Variants in XRN2 observed in about 807,000 individuals in gnomAD.
XRN2 encodes the protein 5'-3' exoribonuclease 2, also known as DHM1-like protein.
Under a neutral mutation model 138.5 loss-of-function variants are expected in XRN2, and 44 were observed. That is an observed-to-expected ratio of 0.32 (90% confidence interval 0.25 to 0.41). XRN2 has a LOEUF of 0.41. XRN2 is among the 10% of genes least tolerant of loss of function. The probability of loss-of-function intolerance (pLI) is 1.00; values close to 1 mark genes in which losing one functional copy is unlikely to be tolerated. For missense variants in XRN2, 937 were observed against 1,169.3 expected (o/e 0.80, Z 2.90); for synonymous variants, 354 against 369.4 (o/e 0.96, Z 0.48).
At chr20:21,311,569 T>C (rs1404549038) in intron 1 of XRN2, among the ~76,000 whole-genome samples, 1 of 152,224 alleles carries the variant, frequency 6.6e-6, no homozygotes, top group Non-Finnish European at 1.5e-5. Context: ...TTCAGTTCTT[T>C]TGAGTATGTA....
Position 21,386,908 on chromosome 20 carries a change from C to T in XRN2, c.2689C>T (p.Leu897=). 2 of 1,613,968 alleles carry T rather than the reference C, an allele frequency of 1.2e-6. No individual in the cohort carries two copies. Among genetic ancestry groups the T allele is most frequent in the Non-Finnish European group, 1.7e-6 (2 of 1,179,844 alleles). ...AEPLLPWNRM[L]QTQNAAFQPN... is the part of the protein sequence containing the mutation. Reference sequence around the variant, plus strand: ...ACCTCTGCTCCCATGGAACCGGATGCTGCAAACCCAGAATGCAGCCTTCCA... The same window carrying T: ...ACCTCTGCTCCCATGGAACCGGATGTTGCAAACCCAGAATGCAGCCTTCCA... The change falls in exon 29 of 30, where the codon CTG becomes TTG. Residue 897 remains leucine (L), a synonymous_variant. Coordinates refer to ENST00000377191, the MANE Select transcript of XRN2 (RefSeq NM_012255.5).
At chr20:21,347,967 T>C (rs1006119451) in intron 17 of XRN2, among the ~76,000 whole-genome samples, 179 bp from the exon 18 acceptor site, 11 of 152,230 alleles carry the variant, frequency 7.2e-5, no homozygotes, top group African/African-American at 2.7e-4. Context: ...AATTAGAAAC[T>C]TCAAACTTAA....
intron 13 of XRN2, among the ~76,000 whole-genome samples, chr20:21,337,067 G>A (rs1349350041): frequency 1.3e-5 from 2 of 152,190 alleles, no homozygotes; most frequent in Non-Finnish European, 2.9e-5. Flanking sequence ...GGCCCAGTCT[G>A]GTAGGACCCA....
intron 18 of XRN2, 24 bp downstream of exon 18, chr20:21,348,277 T>A (rs1568584188): frequency 1.2e-6 from 2 of 1,612,232 alleles, no homozygotes; most frequent in Middle Eastern, 1.7e-4. Context: ...CTTAAAGTCA[T>A]AAAGTTTATA....
At chr20:21,379,617 T>C (rs534055980) in intron 27 of XRN2, among the ~76,000 whole-genome samples, 2 of 152,240 alleles carry the variant, frequency 1.3e-5, no homozygotes, top group East Asian at 1.9e-4. Flanking sequence ...AAATGGAAAA[T>C]AGAGAGGCAC....
Position 21,371,682 on chromosome 20 carries a change from T to C in XRN2, c.2584+3092T>C, listed in dbSNP as rs1369047284. Among the ~76,000 whole-genome samples the C allele has an allele frequency of 2.0e-5, 3 of 152,344 alleles. No homozygotes were observed. In the East Asian group the frequency reaches 5.8e-4, roughly 29 times the overall value. On this transcript the variant is annotated intron_variant, in intron 27 of 29. Transcript: ENST00000377191. The stretch of plus-strand genomic sequence containing the variant: ...CCAGCTGTTACTGACACATTCCTTA[T>C]CAGTTTCTTTTTTCTTGTGACTTTT...
chr20:21,333,588 T>G lies in XRN2; in HGVS notation c.903T>G (p.Phe301Leu). ...GTCTTCCTTGTGCAGAAGGAGAGTT[T>G]ATCTTCCTTCGGCTTAATGTTCTTC... ...ADSLPCAEGE[F>L]IFLRLNVLRE... Residue 301 changes from phenylalanine to leucine, a missense_variant, in exon 10 of 30, where the codon TTT becomes TTG. Phe to Leu is a conservative substitution (Grantham distance 22). This residue lies in a region of XRN2 where 471 missense variants were observed against 581.2 expected (regional missense o/e 0.81). Transcript: ENST00000377191. 6.2e-7 allele frequency: 1 copy of G among 1,613,854 alleles called. No individual in the cohort carries two copies. The highest frequency in any genetic ancestry group is 1.7e-5 in the Admixed American group (1 of 60,026).
chr20:21,380,990 T>C (rs75874980), intron 27 of XRN2, among the ~76,000 whole-genome samples: 3,039 of 152,346 alleles, frequency 0.02, 46 homozygotes, highest in Non-Finnish European at 0.027. Flanking sequence ...TCCGTGTTCT[T>C]TGTCATGGGG....
rs553811827 is a variant in XRN2, at chr20:21,321,567, G to A, written c.76-4712G>A. 1.6e-4 allele frequency among the ~76,000 whole-genome samples: 24 copies of A among 152,008 alleles called. 1 individual carries two copies. Among genetic ancestry groups the A allele is most frequent in the African/African-American group, 4.3e-4 (18 of 41,450 alleles). On this transcript the variant is annotated intron_variant, in intron 1 of 29. Coordinates refer to ENST00000377191, the MANE Select transcript of XRN2 (RefSeq NM_012255.5). ...ACTCCTGGGTGCAAGTGATTCTCCC[G>A]CTTCAGCCTCCCAAAATGCTGATTA...
intron 24 of XRN2, among the ~76,000 whole-genome samples, chr20:21,358,292 T>G (rs376632814): frequency 7.2e-5 from 11 of 152,232 alleles, no homozygotes; most frequent in African/African-American, 1.9e-4. Context: ...CTTAAAGGGC[T>G]AATTTCTTCT....
intron 13 of XRN2, 149 bp from the exon 14 acceptor site, chr20:21,338,895 A>G (rs1180940303): frequency 6.4e-5 from 42 of 661,058 alleles, no homozygotes; most frequent in Non-Finnish European, 9.2e-5. Context: ...TTTTGAACAT[A>G]TAGTCTTATT....
At chr20:21,357,524 G>A (rs2038590482) in intron 23 of XRN2, among the ~76,000 whole-genome samples, 1 of 152,048 alleles carries the variant, frequency 6.6e-6, no homozygotes, top group South Asian at 2.1e-4. Context: ...GAGTACTAAT[G>A]AGATTGAATG....
intron 3 of XRN2, among the ~76,000 whole-genome samples, chr20:21,327,241 T>C (rs898053986): frequency 6.6e-6 from 1 of 152,218 alleles, no homozygotes; most frequent in Non-Finnish European, 1.5e-5. Flanking sequence ...AGGCAATGAG[T>C]AGTCATGAAA....
chr20:21,318,977 C>T (rs995090915), intron 1 of XRN2, among the ~76,000 whole-genome samples: 1 of 151,938 alleles, frequency 6.6e-6, no homozygotes, highest in African/African-American at 2.4e-5. Context: ...CTGTTTTGTT[C>T]TATTATTGAA....
intron 24 of XRN2, among the ~76,000 whole-genome samples, chr20:21,362,663 C>A (rs927521339): frequency 2.6e-5 from 4 of 152,174 alleles, no homozygotes; most frequent in African/African-American, 7.2e-5. Context: ...TCACACAAAC[C>A]CTCCATGACC....
chr20:21,332,766 C>G (rs1161546434), intron 9 of XRN2, among the ~76,000 whole-genome samples: 1 of 151,440 alleles, frequency 6.6e-6, no homozygotes, highest in Non-Finnish European at 1.5e-5. Flanking sequence ...ATCCTTTCTA[C>G]TTAGCACTTT....
chr20:21,382,430 G>A (rs141392280), intron 28 of XRN2, among the ~76,000 whole-genome samples: 7 of 152,222 alleles, frequency 4.6e-5, no homozygotes, highest in East Asian at 3.9e-4. Flanking sequence ...ATTTCTGTGC[G>A]GGCAATGCAG....
chr20:21,328,235 C>T (rs989431895), intron 3 of XRN2, among the ~76,000 whole-genome samples: 1 of 152,150 alleles, frequency 6.6e-6, no homozygotes, highest in African/African-American at 2.4e-5. Flanking sequence ...AGCTTTCTTT[C>T]TTGGGTGCCC....
intron 27 of XRN2, among the ~76,000 whole-genome samples, chr20:21,377,920 C>T (rs1032972204): frequency 5.9e-5 from 9 of 152,166 alleles, no homozygotes; most frequent in Admixed American, 1.3e-4. Flanking sequence ...CAGGCTGTCA[C>T]GGCTTCGAGA....
Sources: gnomAD v4.1 joint callset for allele counts (sites outside exome capture counted in the v4.1 genomes callset) on GRCh38, gnomAD v4.1.1 for gene constraint, gnomAD v4.1.1 regional missense constraint, MANE v1.5 for transcripts, NCBI Gene and HGNC (gene_info 2026-07-23, HGNC 2026-07-21) for gene names.